RASSF3: variants seen among roughly 807,000 people sequenced by gnomAD.
RASSF3 encodes the protein Ras association domain family member 3.
In RASSF3, 19 loss-of-function variants were observed where a neutral mutation model predicts 19.9. That is an observed-to-expected ratio of 0.96 (90% CI 0.67 to 1.40). RASSF3 has a LOEUF of 1.40. Ranked by LOEUF, RASSF3 falls within the 40% of genes most tolerant of loss-of-function variation. RASSF3 has a pLI of 0.00. For missense variants in RASSF3, 306 were observed against 289.8 expected, an observed-to-expected ratio of 1.06 and a Z score of -0.41; for synonymous variants, 110 against 104.2, an observed-to-expected ratio of 1.06 and a Z score of -0.34.
intron 1 of RASSF3, chr12:64,630,023 A>G (rs542887015): frequency 6.6e-6 from 1 of 152,070 alleles, no homozygotes; most frequent in African/African-American, 2.4e-5. Flanking sequence ...TATGTGAACT[A>G]AAAGGTTGTT....
intron 1 of RASSF3, among the ~76,000 whole-genome samples, chr12:64,638,365 G>A (rs1397126746): frequency 1.3e-5 from 2 of 152,080 alleles, no homozygotes; most frequent in African/African-American, 4.8e-5. Flanking sequence ...CGGATCACAA[G>A]GTCAGGAGAT....
intron 1 of RASSF3, among the ~76,000 whole-genome samples, chr12:64,663,232 C>T (rs1029624602): frequency 2.0e-5 from 3 of 151,982 alleles, no homozygotes; most frequent in Non-Finnish European, 4.4e-5. Flanking sequence ...GGATGTGTTA[C>T]GTAACAAAGG....
intron 2 of RASSF3, among the ~76,000 whole-genome samples, chr12:64,604,974 A>AT (rs1870164489): frequency 6.8e-6 from 1 of 148,052 alleles, no homozygotes; most frequent in Admixed American, 6.8e-5. Flanking sequence ...TTTTTTTTTA[A>AT]TTTATTTTAT....
chr12:64,588,698 T>C (rs2136139299), intron 2 of RASSF3, among the ~76,000 whole-genome samples: 1 of 152,276 alleles, frequency 6.6e-6, no homozygotes, highest in East Asian at 1.9e-4. Flanking sequence ...CCTTTTCTCT[T>C]TGCATTAGTT....
At chr12:64,625,657 T>C (rs1870960523) in intron 1 of RASSF3, among the ~76,000 whole-genome samples, 1 of 152,120 alleles carries the variant, frequency 6.6e-6, no homozygotes, top group African/African-American at 2.4e-5. Context: ...TCAAATAAGG[T>C]AATACGTGCA....
intron 4 of RASSF3, among the ~76,000 whole-genome samples, chr12:64,692,052 T>TC (rs1240286748): frequency 6.6e-6 from 1 of 152,268 alleles, no homozygotes; most frequent in East Asian, 1.9e-4. Context: ...ATCTTTTTTT[T>TC]CCCCCTTGCC....
chr12:64,593,742 A>G (rs1177338319), intron 2 of RASSF3, among the ~76,000 whole-genome samples: 1 of 152,118 alleles, frequency 6.6e-6, no homozygotes, highest in East Asian at 1.9e-4. Flanking sequence ...GCAAAGCTGA[A>G]TAGGATTGCT....
chr12:64,643,207 G>A (rs1303737748), intron 1 of RASSF3, among the ~76,000 whole-genome samples: 1 of 152,050 alleles, frequency 6.6e-6, no homozygotes, highest in African/African-American at 2.4e-5. Flanking sequence ...TAGCTTAACA[G>A]CTGTCCTTGG....
At position 64,561,299 on chromosome 12, in the gene RASSF3, T is replaced by C. The variant is rs528004891; in HGVS notation, c.294+19594T>C. Among the ~76,000 whole-genome samples the C allele has an allele frequency of 2.6e-5, 4 of 152,306 alleles. No individual in the cohort carries two copies. In the East Asian group the frequency reaches 5.8e-4, roughly 22 times the overall value. On this transcript the variant is annotated intron_variant, in intron 2 of 5. Coordinates refer to the RASSF3 transcript ENST00000637125. ...TAACCTCAGAGATGATTTCACGTGA[T>C]GTCTTCATTTTAATGATGAAAGAAG...
Position 64,576,329 on chromosome 12 carries a change from A to G in RASSF3, c.294+34624A>G, listed in dbSNP as rs115778150. ...ATCCTTCTGGAACGGTTGAATATCTATGGAAGGAAGGAAGAATCTTGACCC... is the reference window on the plus strand; with the variant it reads ...ATCCTTCTGGAACGGTTGAATATCTGTGGAAGGAAGGAAGAATCTTGACCC... On this transcript the variant is annotated intron_variant, in intron 2 of 5. Coordinates refer to the RASSF3 transcript ENST00000637125. Among the ~76,000 whole-genome samples, 259 of 152,254 alleles carry G rather than the reference A, an allele frequency of 1.7e-3. 1 individual carries two copies. Among genetic ancestry groups the G allele is most frequent in the African/African-American group, 6.1e-3 (252 of 41,536 alleles).
At chr12:64,549,903 A>G (rs1343328720) in intron 2 of RASSF3, among the ~76,000 whole-genome samples, 1 of 152,214 alleles carries the variant, frequency 6.6e-6, no homozygotes, top group African/African-American at 2.4e-5. Context: ...CAATCATATC[A>G]ATATCATTTC....
chr12:64,646,974 A>C (rs567059350), intron 1 of RASSF3, among the ~76,000 whole-genome samples: 3 of 152,320 alleles, frequency 2.0e-5, no homozygotes, highest in African/African-American at 7.2e-5. Flanking sequence ...AAGAAGCTAA[A>C]GCTTTGAGAG....
intron 1 of RASSF3, among the ~76,000 whole-genome samples, chr12:64,658,316 T>G (rs1872229638): frequency 6.6e-6 from 1 of 152,148 alleles, no homozygotes; most frequent in African/African-American, 2.4e-5. Flanking sequence ...AACTGTGTGC[T>G]TTTGGTGAGG....
intron 1 of RASSF3, among the ~76,000 whole-genome samples, chr12:64,669,453 CTG>C (rs1292206055): frequency 6.6e-6 from 1 of 152,010 alleles, no homozygotes; most frequent in East Asian, 1.9e-4. Context: ...GTGTTTAAGA[CTG>C]TGTTGACTCT....
At position 64,686,501 on chromosome 12, in the gene RASSF3, C is replaced by T. The variant is rs1034617257; in HGVS notation, c.219+1607C>T. Among the ~76,000 whole-genome samples the T allele has an allele frequency of 5.3e-5, 8 of 152,070 alleles. No homozygotes were observed. In the South Asian group the frequency reaches 6.2e-4, roughly 12 times the overall value. ...TGGCGGGCGCCTGTAGTCCCAGCTA[C>T]GCGGGAGGCTGAGGCAGAAGAATGG... On this transcript the variant is annotated intron_variant, in intron 2 of 4. Transcript: ENST00000542104.
intron 1 of RASSF3, among the ~76,000 whole-genome samples, chr12:64,519,841 T>A (rs993512003): frequency 6.6e-6 from 1 of 152,108 alleles, no homozygotes; most frequent in Non-Finnish European, 1.5e-5. Context: ...TATATGTGTA[T>A]GTATTTATAT....
chr12:64,627,983 A>G (rs1401086055), intron 1 of RASSF3, among the ~76,000 whole-genome samples: 1 of 152,244 alleles, frequency 6.6e-6, no homozygotes, highest in Non-Finnish European at 1.5e-5. Context: ...TGAGATGCCA[A>G]ATGAATTAGT....
At chr12:64,632,331 C>T (rs1871195196) in intron 1 of RASSF3, among the ~76,000 whole-genome samples, 1 of 152,026 alleles carries the variant, frequency 6.6e-6, no homozygotes. Context: ...GCTTGCCAGC[C>T]TGAGGATTGA....
At chr12:64,514,311 C>T (rs759323747) in intron 1 of RASSF3, among the ~76,000 whole-genome samples, 48 of 151,188 alleles carry the variant, frequency 3.2e-4, no homozygotes, top group Non-Finnish European at 5.3e-4. Flanking sequence ...CTTAGCCTCC[C>T]GAGTAGCTGG....
Sources: allele counts gnomAD v4.1 joint callset (sites outside exome capture counted in the v4.1 genomes callset), GRCh38; gene constraint gnomAD v4.1.1; transcripts MANE v1.5; gene names NCBI Gene and HGNC (gene_info 2026-07-23, HGNC 2026-07-21).